The following SACM1L variants were observed in gnomAD, a reference collection of about 807,000 sequenced individuals.
SACM1L encodes the protein SAC1 like phosphatidylinositide phosphatase, also known as phosphatidylinositol-3-phosphatase SAC1.
A neutral mutation model predicts 89.5 loss-of-function variants in SACM1L; 32 were observed. The ratio of observed to expected loss-of-function variants is 0.36; its 90% CI spans 0.27 to 0.48. SACM1L has a LOEUF of 0.48. Among genes scored for constraint, SACM1L ranks in the 20% least tolerant of loss-of-function variants. The probability of loss-of-function intolerance (pLI) is 0.99; values close to 1 mark genes in which losing one functional copy is unlikely to be tolerated. For missense variants in SACM1L, 543 were observed against 708.5 expected, an observed-to-expected ratio of 0.77 and a Z score of 2.65; for synonymous variants, 213 against 232.8, an observed-to-expected ratio of 0.92 and a Z score of 0.77.
intron 7 of SACM1L, among the ~76,000 whole-genome samples, chr3:45,719,225 GTGAT>G (rs1374852726): frequency 6.6e-6 from 1 of 152,088 alleles, no homozygotes; most frequent in Non-Finnish European, 1.5e-5. Flanking sequence ...TCTTTAGAAA[GTGAT>G]TGAGAATATC....
Position 45,721,553 on chromosome 3 carries a change from T to C in SACM1L, c.680-447T>C, listed in dbSNP as rs143293893. Among the ~76,000 whole-genome samples the C allele has an allele frequency of 6.7e-3, 1,021 of 152,272 alleles. 4 individuals are homozygous for C. Among genetic ancestry groups the C allele is most frequent in the African/African-American group, 0.023 (964 of 41,574 alleles). On this transcript the variant is annotated intron_variant, in intron 8 of 19. Transcript: ENST00000389061. ...ATAAGTAAATAAAAATAAAATGGCC[T>C]ATCTTTACGTTGAGTATTGTGTTGT...
Position 45,708,772 on chromosome 3 carries a change from TATGTAGATTTGTAAC to T in SACM1L, c.334-716_334-702del, listed in dbSNP as rs1698455599. ...CTGAGCACAAATAAAAAATTTTGTA[TATGTAGATTTGTAAC>T]ATGTAGATTAACAAGTTAATCATTT... On this transcript the variant is annotated intron_variant, in intron 4 of 19. Coordinates refer to ENST00000389061, the MANE Select transcript of SACM1L (RefSeq NM_014016.5). 1.3e-5 allele frequency among the ~76,000 whole-genome samples: 2 copies of T among 152,160 alleles called. 1 individual carries two copies. The highest frequency in any genetic ancestry group is 4.1e-4 in the South Asian group (2 of 4,830).
chr3:45,737,683 G>C (rs757948027), intron 15 of SACM1L, 31 bp downstream of exon 15: 2 of 1,573,718 alleles, frequency 1.3e-6, no homozygotes, highest in South Asian at 2.3e-5. Flanking sequence ...AGACAAAGTT[G>C]GTCAGATTTT....
At position 45,706,808 on chromosome 3, in the gene SACM1L, G is replaced by A. The variant is rs771183887; in HGVS notation, c.234G>A (p.Lys78=). ...AGNYLIVITK[K]IKVGEFFSHV... Reference sequence around the variant, plus strand: ...ATTATCTTATAGTCATTACCAAAAAGATAAAAGTAGGTGAATTTTTCAGTC... The same window carrying A: ...ATTATCTTATAGTCATTACCAAAAAAATAAAAGTAGGTGAATTTTTCAGTC... The change falls in exon 4 of 20, where the codon AAG becomes AAA. Residue 78 remains lysine (K), a synonymous_variant. Coordinates refer to ENST00000389061, the MANE Select transcript of SACM1L (RefSeq NM_014016.5). The A allele has an allele frequency of 6.8e-6, 11 of 1,611,336 alleles. No homozygotes were observed. Among genetic ancestry groups the A allele is most frequent in the Non-Finnish European group, 9.3e-6 (11 of 1,178,268 alleles).
chr3:45,731,481 A>C, intron 12 of SACM1L, 101 bp downstream of exon 12: 1 of 620,454 alleles, frequency 1.6e-6, no homozygotes, highest in Non-Finnish European at 2.7e-6. Flanking sequence ...TTCAGCTTGC[A>C]TTTTTTTCAA....
intron 1 of SACM1L, among the ~76,000 whole-genome samples, chr3:45,691,554 A>G (rs191642929): frequency 1.6e-4 from 25 of 152,262 alleles, no homozygotes; most frequent in Non-Finnish European, 3.4e-4. Flanking sequence ...TTATTTTATT[A>G]CAAAAGGATT....
intron 11 of SACM1L, chr3:45,730,456 G>A (rs935411877): frequency 1.3e-5 from 2 of 151,550 alleles, no homozygotes; most frequent in Non-Finnish European, 2.9e-5. Flanking sequence ...GTTTTGACAG[G>A]TTTCATTGAA....
At chr3:45,698,968 TTTCACCATG>T (rs1434360752) in intron 1 of SACM1L, among the ~76,000 whole-genome samples, 1 of 152,146 alleles carries the variant, frequency 6.6e-6, no homozygotes, top group Non-Finnish European at 1.5e-5. Flanking sequence ...TAGAGACGGG[TTTCACCATG>T]TTGGCCAGGA....
At chr3:45,732,562 A>T (rs1220353617) in intron 13 of SACM1L, among the ~76,000 whole-genome samples, 6 of 152,162 alleles carry the variant, frequency 3.9e-5, no homozygotes, top group Non-Finnish European at 7.3e-5. Context: ...TAGTTCTAAG[A>T]AAGTGCTTTT....
chr3:45,691,367 T>G (rs147864076), intron 1 of SACM1L, among the ~76,000 whole-genome samples: 1 of 152,232 alleles, frequency 6.6e-6, no homozygotes, highest in African/African-American at 2.4e-5. Flanking sequence ...CTTCCTGCTC[T>G]GAGGCTGCTG....
At chr3:45,689,528 C>T in intron 1 of SACM1L, 31 bp downstream of exon 1, 1 of 1,559,332 alleles carries the variant, frequency 6.4e-7, no homozygotes, top group Non-Finnish European at 8.7e-7. Context: ...GCCTGAGGCG[C>T]GGCGGGCGGG....
Position 45,726,640 on chromosome 3 carries a change from T to C in SACM1L, c.921+3097T>C, listed in dbSNP as rs113639519. Among the ~76,000 whole-genome samples the C allele has an allele frequency of 3.4e-3, 515 of 152,230 alleles. 4 individuals carry two copies. The highest frequency in any genetic ancestry group is 0.011 in the African/African-American group (458 of 41,580). On this transcript the variant is annotated intron_variant, in intron 11 of 19. Transcript: ENST00000389061. ...GCTAAGAGTTTGTGAATTTTGTTGA[T>C]CTTTTCAAAGTTCAACTTTTAGTTT...
chr3:45,714,913 C>A (rs1200906368), intron 7 of SACM1L, among the ~76,000 whole-genome samples: 2 of 152,130 alleles, frequency 1.3e-5, no homozygotes, highest in African/African-American at 4.8e-5. Flanking sequence ...GGTGACAGAC[C>A]ACATATATGA....
chr3:45,722,090 G>A lies in SACM1L; in HGVS notation c.765+5G>A, dbSNP rs765736536. On this transcript the variant is annotated splice_donor_5th_base_variant and intron_variant, in intron 9 of 19. Coordinates refer to ENST00000389061, the MANE Select transcript of SACM1L (RefSeq NM_014016.5). Reference sequence around the variant, plus strand: ...AGCAAAGCTTCGTTTGTACAGGCAAGTTGTTATGTCTGTTAGGCAGTCAGC... The same window carrying A: ...AGCAAAGCTTCGTTTGTACAGGCAAATTGTTATGTCTGTTAGGCAGTCAGC... 6.3e-7 allele frequency: 1 copy of A among 1,589,416 alleles called. No homozygotes were observed. Among genetic ancestry groups the A allele is most frequent in the Non-Finnish European group, 8.6e-7 (1 of 1,160,660 alleles).
At chr3:45,717,103 T>C (rs2742395) in intron 7 of SACM1L, among the ~76,000 whole-genome samples, 95,665 of 152,006 alleles carry the variant, frequency 0.63, 30,534 homozygotes, top group Non-Finnish European at 0.66. Flanking sequence ...CAAAGGAAAG[T>C]GAATTGGGAG....
chr3:45,740,333 CTG>C (rs1228234991), intron 19 of SACM1L, among the ~76,000 whole-genome samples: 3 of 152,228 alleles, frequency 2.0e-5, no homozygotes, highest in Non-Finnish European at 4.4e-5. Flanking sequence ...TGAAAATAAA[CTG>C]TTAATTTACA....
rs1171210345 is a variant in SACM1L at position 45,709,760 on chromosome 3, T to G, written c.483+113T>G. 4.3e-6 allele frequency: 4 copies of G among 926,786 alleles called. No individual in the cohort carries two copies. In the East Asian group the frequency reaches 1.1e-4, roughly 25 times the overall value. The allele number at this position is 926,786 out of a possible 1,614,324, so 57.4% of individuals were successfully genotyped here. On this transcript the variant is annotated intron_variant, in intron 5 of 19. Transcript: ENST00000389061. ...CTCAGTCCTGGCTATCTTAGAATCA[T>G]GTATGAGGCTTTGAAAATATACCCT...
chr3:45,699,798 A>C (rs1010790477), intron 1 of SACM1L, among the ~76,000 whole-genome samples: 2 of 151,546 alleles, frequency 1.3e-5, no homozygotes, highest in South Asian at 4.2e-4. Context: ...CTGGGATTAC[A>C]GGTGTGAGCC....
At position 45,706,717 on chromosome 3, in the gene SACM1L, TC is replaced by T. The variant is rs1360154754; in HGVS notation, c.206-61del. 3.6e-6 allele frequency: 5 copies of T among 1,381,066 alleles called. No individual in the cohort carries two copies. The African/African-American group carries it at 7.3e-5, about 20-fold the overall frequency. The allele number at this position is 1,381,066 out of a possible 1,614,324, so 85.6% of individuals were successfully genotyped here. ...GCCTTTAAAGTTAAACAATAAGGACTCCTATTTCTACCTTTAGAGTTACTAT... is the reference window on the plus strand; with the variant it reads ...GCCTTTAAAGTTAAACAATAAGGACTCTATTTCTACCTTTAGAGTTACTAT... On this transcript the variant is annotated intron_variant, in intron 3 of 19. Coordinates refer to ENST00000389061, the MANE Select transcript of SACM1L (RefSeq NM_014016.5).
Sources: gnomAD v4.1 joint callset for allele counts (sites outside exome capture counted in the v4.1 genomes callset) on GRCh38, gnomAD v4.1.1 for gene constraint, MANE v1.5 for transcripts, NCBI Gene and HGNC (gene_info 2026-07-23, HGNC 2026-07-21) for gene names.